ARHGAP22: variants seen among roughly 807,000 people sequenced by gnomAD.
The protein encoded by ARHGAP22 is Rho GTPase activating protein 22, also known as rho GTPase-activating protein 22.
Under a neutral mutation model 59.1 loss-of-function variants are expected in ARHGAP22, and 48 were observed. The ratio of observed to expected loss-of-function variants is 0.81; its 90% confidence interval spans 0.64 to 1.03. ARHGAP22 has a LOEUF of 1.03. Ranked by LOEUF, ARHGAP22 falls within the 50% of genes least tolerant of loss-of-function variation. The pLI, the probability that ARHGAP22 is intolerant of heterozygous loss-of-function variation, is 0.00. For synonymous variants in ARHGAP22, 445 were observed against 416.4 expected, an observed-to-expected ratio of 1.07 and a Z score of -0.84; for missense variants, 1,015 against 958.7, an observed-to-expected ratio of 1.06 and a Z score of -0.78.
At chr10:48,609,831 A>G (rs2060813885), upstream of ARHGAP22, among the ~76,000 whole-genome samples, 1 of 152,166 alleles carries the variant, frequency 6.6e-6, no homozygotes, top group Non-Finnish European at 1.5e-5. Context: ...CTGCCCCCTC[A>G]CCCATAATTT....
intron 3 of ARHGAP22, among the ~76,000 whole-genome samples, chr10:48,547,852 G>A (rs1387160237): frequency 6.6e-6 from 1 of 152,198 alleles, no homozygotes; most frequent in Non-Finnish European, 1.5e-5. Flanking sequence ...GGCCAATGAT[G>A]TGACACTCAG....
chr10:48,649,999 GGA>G (rs573572278), intron 1 of ARHGAP22, among the ~76,000 whole-genome samples: 6 of 149,542 alleles, frequency 4.0e-5, no homozygotes, highest in Non-Finnish European at 7.4e-5. Context: ...AGGGAGGGAG[GGA>G]GAGAGAGAGA....
At chr10:48,650,526 A>G (rs2062518004) in intron 1 of ARHGAP22, among the ~76,000 whole-genome samples, 1 of 152,222 alleles carries the variant, frequency 6.6e-6, no homozygotes, top group Non-Finnish European at 1.5e-5. Context: ...ATGAATTGCC[A>G]CTGACTTTTA....
At position 48,507,935 on chromosome 10, in the gene ARHGAP22, G is replaced by A. The variant is rs112184642; in HGVS notation, c.323-28171C>T. Among the ~76,000 whole-genome samples, 1,208 of 141,242 alleles carry A rather than the reference G, an allele frequency of 8.6e-3. 19 individuals carry two copies. The highest frequency in any genetic ancestry group is 0.029 in the African/African-American group (1,129 of 39,228). 92.7% of individuals were successfully genotyped at this position (141,242 alleles called of 152,430 possible). On this transcript the variant is annotated intron_variant, in intron 3 of 9. Coordinates refer to ENST00000249601, the MANE Select transcript of ARHGAP22 (RefSeq NM_021226.4). ...GTGGGGTGGGGGTGGGGGTGGGGGGGGATCTGAACATAGAAATGCCAAGTC... is the reference window on the plus strand; with the variant it reads ...GTGGGGTGGGGGTGGGGGTGGGGGGAGATCTGAACATAGAAATGCCAAGTC...
chr10:48,628,725 A>G (rs1387450774), intron 1 of ARHGAP22, among the ~76,000 whole-genome samples: 2 of 152,136 alleles, frequency 1.3e-5, no homozygotes, highest in Admixed American at 6.5e-5. Flanking sequence ...AACCAATAGG[A>G]TTTCATCACA....
At chr10:48,572,006 GAACCTAGGGA>G (rs1227109098) in intron 2 of ARHGAP22, among the ~76,000 whole-genome samples, 2 of 152,150 alleles carry the variant, frequency 1.3e-5, no homozygotes, top group African/African-American at 2.4e-5. Flanking sequence ...TGGCCAAGGG[GAACCTAGGGA>G]AACCTTAAAA....
chr10:48,570,116 T>G (rs975517960), intron 2 of ARHGAP22, among the ~76,000 whole-genome samples: 4 of 152,268 alleles, frequency 2.6e-5, no homozygotes, highest in Non-Finnish European at 5.9e-5. Context: ...CTACTGCCAA[T>G]TTCAAGTTAG....
the ARHGAP22 span, among the ~76,000 whole-genome samples, chr10:48,439,757 A>T: frequency 6.6e-6 from 1 of 152,180 alleles, no homozygotes; most frequent in Non-Finnish European, 1.5e-5. Flanking sequence ...CTCTTTGCCT[A>T]CGTTGGGTCT....
At chr10:48,655,259 G>GT (rs2062770569), upstream of ARHGAP22, among the ~76,000 whole-genome samples, 2 of 134,470 alleles carry the variant, frequency 1.5e-5, no homozygotes, top group African/African-American at 3.0e-5. Flanking sequence ...GTGTGTGTGG[G>GT]GGGGGGGGGG....
Position 48,622,116 on chromosome 10 carries a change from G to A in ARHGAP22, c.52+30118C>T, listed in dbSNP as rs114471711. On this transcript the variant is annotated intron_variant, in intron 1 of 9. Coordinates refer to the ARHGAP22 transcript ENST00000435790. Reference sequence around the variant, plus strand: ...TCTTGCTTGTCTCTGCCTTTAAATTGGAGAGTTTAGTCCATTTGCATTTAA... The same window carrying A: ...TCTTGCTTGTCTCTGCCTTTAAATTAGAGAGTTTAGTCCATTTGCATTTAA... Among the ~76,000 whole-genome samples the A allele has an allele frequency of 5.1e-3, 782 of 152,246 alleles. 10 individuals carry two copies. The highest frequency in any genetic ancestry group is 0.018 in the African/African-American group (754 of 41,556).
chr10:48,453,038 C>T (rs912024685), intron 8 of ARHGAP22, among the ~76,000 whole-genome samples: 2 of 152,212 alleles, frequency 1.3e-5, no homozygotes, highest in African/African-American at 4.8e-5. Flanking sequence ...CACAGAAACC[C>T]CTGGCTATTC....
intron 1 of ARHGAP22, among the ~76,000 whole-genome samples, chr10:48,627,171 C>A (rs1396168005): frequency 6.6e-6 from 1 of 152,138 alleles, no homozygotes; most frequent in African/African-American, 2.4e-5. Context: ...AGCAGGCTGT[C>A]CTGAGTTGTG....
chr10:48,560,467 T>C (rs2057615846), intron 2 of ARHGAP22, among the ~76,000 whole-genome samples: 1 of 152,222 alleles, frequency 6.6e-6, no homozygotes, highest in African/African-American at 2.4e-5. Context: ...TTTTACTTCT[T>C]CCTTTCCAAT....
chr10:48,651,080 A>G (rs2136216734), intron 1 of ARHGAP22, among the ~76,000 whole-genome samples: 1 of 152,326 alleles, frequency 6.6e-6, no homozygotes, highest in Admixed American at 6.5e-5. Context: ...CTGGTAGCAT[A>G]TTACATTACA....
chr10:48,604,573 C>T (rs560672913), intron 1 of ARHGAP22, among the ~76,000 whole-genome samples, 190 bp downstream of exon 1: 15 of 152,204 alleles, frequency 9.9e-5, no homozygotes, highest in African/African-American at 3.1e-4. Flanking sequence ...AACTTCAGGT[C>T]GTGTCCCCAC....
intron 3 of ARHGAP22, among the ~76,000 whole-genome samples, chr10:48,505,550 A>G (rs1423887584): frequency 1.3e-5 from 2 of 151,826 alleles, no homozygotes; most frequent in South Asian, 2.1e-4. Flanking sequence ...CCCATCCCCA[A>G]TTCTGCATCA....
chr10:48,594,636 G>A (rs2059957174), intron 1 of ARHGAP22, among the ~76,000 whole-genome samples: 1 of 152,184 alleles, frequency 6.6e-6, no homozygotes, highest in Non-Finnish European at 1.5e-5. Flanking sequence ...GACAGGTTTT[G>A]GAAGACCGGC....
At chr10:48,455,875 T>G (rs2046447940) in intron 5 of ARHGAP22, among the ~76,000 whole-genome samples, 2 of 152,180 alleles carry the variant, frequency 1.3e-5, no homozygotes, top group Non-Finnish European at 2.9e-5. Flanking sequence ...CTTTCCTCTC[T>G]TCCTGTCCAC....
chr10:48,578,571 A>G (rs2058910600), intron 2 of ARHGAP22, among the ~76,000 whole-genome samples: 1 of 150,500 alleles, frequency 6.6e-6, no homozygotes, highest in South Asian at 2.1e-4. Flanking sequence ...TGTGTGTTTG[A>G]TCTTCGCTCT....
Sources: gnomAD v4.1 joint callset for allele counts (sites outside exome capture counted in the v4.1 genomes callset) on GRCh38, gnomAD v4.1.1 for gene constraint, MANE v1.5 for transcripts, NCBI Gene and HGNC (gene_info 2026-07-23, HGNC 2026-07-21) for gene names.